Variants in GFPT1 observed in about 807,000 individuals in gnomAD.
GFPT1 encodes glutamine--fructose-6-phosphate transaminase 1.
Under a neutral mutation model 92.0 loss-of-function variants are expected in GFPT1, and 40 were observed. That is an observed-to-expected ratio of 0.43 (90% CI 0.34 to 0.57). The LOEUF (loss-of-function observed/expected upper bound fraction) is 0.57. GFPT1 is among the 20% of genes least tolerant of loss of function. The probability of loss-of-function intolerance (pLI) is 0.02; values close to 1 mark genes in which losing one functional copy is unlikely to be tolerated. For synonymous variants in GFPT1, 269 were observed against 280.6 expected (o/e 0.96, Z 0.41); for missense variants, 448 against 869.1 (o/e 0.52, Z 6.09).
chr2:69,362,394 T>C (rs1329414636), intron 4 of GFPT1, among the ~76,000 whole-genome samples: 3 of 152,228 alleles, frequency 2.0e-5, no homozygotes, highest in Admixed American at 2.0e-4. Flanking sequence ...TCCAAAGTGC[T>C]GGGTAGACTT....
chr2:69,374,667 G>A (rs916629722), intron 1 of GFPT1, among the ~76,000 whole-genome samples: 3 of 152,042 alleles, frequency 2.0e-5, no homozygotes, highest in Non-Finnish European at 4.4e-5. Context: ...TTTGTCAAGT[G>A]AAATTTAATT....
At chr2:69,333,549 A>C (rs1460248211) in intron 15 of GFPT1, among the ~76,000 whole-genome samples, 1 of 152,200 alleles carries the variant, frequency 6.6e-6, no homozygotes, top group Non-Finnish European at 1.5e-5. Context: ...GAAAATGCTG[A>C]CTCTGAAATT....
At chr2:69,354,890 G>A (rs1444020428) in intron 7 of GFPT1, among the ~76,000 whole-genome samples, 3 of 151,984 alleles carry the variant, frequency 2.0e-5, no homozygotes, top group African/African-American at 7.2e-5. Flanking sequence ...TACAGTCTCA[G>A]CTACTCGGAA....
chr2:69,368,211 T>A (rs1671656814), intron 3 of GFPT1, among the ~76,000 whole-genome samples: 1 of 152,192 alleles, frequency 6.6e-6, no homozygotes, highest in Non-Finnish European at 1.5e-5. Flanking sequence ...TGAAACCCCA[T>A]CTCTACTAAA....
At chr2:69,374,355 G>A (rs963896228) in intron 1 of GFPT1, among the ~76,000 whole-genome samples, 1 of 148,696 alleles carries the variant, frequency 6.7e-6, no homozygotes, top group Non-Finnish European at 1.5e-5. Flanking sequence ...ACTCTGTCAC[G>A]CAGGATGGAG....
In GFPT1 at chr2:69,376,906, A is replaced by G. The variant is rs758151449; in HGVS notation, c.8-2793T>C. On this transcript the variant is annotated intron_variant, in intron 1 of 19. Transcript: ENST00000357308. ...GTTTTTAAGACAATTTATAGACTCTACTTTTTTTTAAAGATTAATGCGGCA... is the reference window on the plus strand; with the variant it reads ...GTTTTTAAGACAATTTATAGACTCTGCTTTTTTTTAAAGATTAATGCGGCA... Among the ~76,000 whole-genome samples, 84 of 152,212 alleles carry G rather than the reference A, an allele frequency of 5.5e-4. 1 individual carries two copies. Among genetic ancestry groups the G allele is most frequent in the Non-Finnish European group, 1.5e-4 (10 of 68,040 alleles).
At chr2:69,349,882 T>C (rs1265651748) in intron 10 of GFPT1, among the ~76,000 whole-genome samples, 196 bp downstream of exon 10, 1 of 152,196 alleles carries the variant, frequency 6.6e-6, no homozygotes, top group Non-Finnish European at 1.5e-5. Flanking sequence ...GTGTTCTTAG[T>C]AAACTGACCC....
At chr2:69,345,732 T>C (rs905830515) in intron 12 of GFPT1, among the ~76,000 whole-genome samples, 172 bp downstream of exon 12, 1 of 152,222 alleles carries the variant, frequency 6.6e-6, no homozygotes, top group African/African-American at 2.4e-5. Flanking sequence ...AGATATCTTA[T>C]ATAGGTAGAA....
In GFPT1 at chr2:69,342,264, T is replaced by G. The variant is rs762548713; in HGVS notation, c.1106-15A>C. On this transcript the variant is annotated splice_polypyrimidine_tract_variant and intron_variant, in intron 12 of 19. Coordinates refer to ENST00000357308, the MANE Select transcript of GFPT1 (RefSeq NM_001244710.2). ...ACCCAAATTCACTGAAATAAAAGTT[T>G]GTGTACATAATTATTTAGCAAAGAA... 1.3e-6 allele frequency: 2 copies of G among 1,485,144 alleles called. No individual in the cohort carries two copies. The highest frequency in any genetic ancestry group is 3.3e-5 in the Admixed American group (2 of 59,876). The allele number at this position is 1,485,144 out of a possible 1,614,324, so 92.0% of individuals were successfully genotyped here.
intron 1 of GFPT1, among the ~76,000 whole-genome samples, chr2:69,378,982 T>C (rs1032072408): frequency 1.3e-5 from 2 of 152,172 alleles, no homozygotes; most frequent in African/African-American, 2.4e-5. Flanking sequence ...GAGCAGTGGC[T>C]CACATCTGTA....
At chr2:69,365,808 CT>C (rs936454734) in intron 3 of GFPT1, among the ~76,000 whole-genome samples, 2 of 151,862 alleles carry the variant, frequency 1.3e-5, no homozygotes, top group African/African-American at 4.8e-5. Context: ...TCTTTGACTA[CT>C]TTTTTTATTT....
rs1196903154 is a variant in GFPT1 at position 69,351,195 on chromosome 2, G to C, written c.740-1012C>G. ...AGTCAGGATAAAGTAGGGTCTTTTT[G>C]CAAAGCTAATATCCTTTTAATTCTT... On this transcript the variant is annotated intron_variant, in intron 9 of 19. Coordinates refer to ENST00000357308, the MANE Select transcript of GFPT1 (RefSeq NM_001244710.2). Among the ~76,000 whole-genome samples, 4 of 152,078 alleles carry C rather than the reference G, an allele frequency of 2.6e-5. No individual in the cohort carries two copies. In the East Asian group the frequency reaches 7.7e-4, roughly 29 times the overall value.
intron 1 of GFPT1, among the ~76,000 whole-genome samples, chr2:69,385,337 T>C (rs888041364): frequency 1.3e-5 from 2 of 152,160 alleles, no homozygotes; most frequent in African/African-American, 2.4e-5. Context: ...GCAATTCTCC[T>C]GCCTCAGCCT....
chr2:69,344,506 G>A (rs1455888490), intron 12 of GFPT1, among the ~76,000 whole-genome samples: 2 of 152,136 alleles, frequency 1.3e-5, no homozygotes, highest in Admixed American at 1.3e-4. Context: ...AATACATGGG[G>A]AGTAGTTTGG....
intron 1 of GFPT1, among the ~76,000 whole-genome samples, chr2:69,377,191 G>C (rs866362588): frequency 1.7e-4 from 19 of 113,362 alleles, no homozygotes; most frequent in Middle Eastern, 8.5e-3. Context: ...CTGGGCAACA[G>C]AGCAAGACTC....
rs372548032 is a variant in GFPT1, at chr2:69,329,810, C to CA, written c.1483-13dup. 9 of 1,376,834 alleles carry CA rather than the reference C, an allele frequency of 6.5e-6. 1 individual carries two copies. The African/African-American group carries it at 1.1e-4, about 17-fold the overall frequency. 85.3% of individuals were successfully genotyped at this position (1,376,834 alleles called of 1,614,324 possible). On this transcript the variant is annotated splice_polypyrimidine_tract_variant and intron_variant, in intron 15 of 19. Transcript: ENST00000357308. ...TGGCTGGTATAAGCCTGAAACATCA[C>CA]AAAAAAGCAGGACAATTAGTTGCAG...
rs114001004 is a variant in GFPT1, at chr2:69,374,860, G to A, written c.8-747C>T. Among the ~76,000 whole-genome samples the A allele has an allele frequency of 3.5e-3, 532 of 152,224 alleles. 3 individuals are homozygous for A. Among genetic ancestry groups the A allele is most frequent in the African/African-American group, 0.012 (514 of 41,514 alleles). On this transcript the variant is annotated intron_variant, in intron 1 of 19. Transcript: ENST00000357308. ...AGTGACATTTAGGAATAAATGATATGAAAAATACTCACCCCTTAAATAATT... is the reference window on the plus strand; with the variant it reads ...AGTGACATTTAGGAATAAATGATATAAAAAATACTCACCCCTTAAATAATT...
At chr2:69,335,255 A>G (rs1410700150) in intron 15 of GFPT1, among the ~76,000 whole-genome samples, 1 of 152,030 alleles carries the variant, frequency 6.6e-6, no homozygotes, top group Non-Finnish European at 1.5e-5. Context: ...GATCCTCCCA[A>G]TTCAGCCTCC....
intron 15 of GFPT1, among the ~76,000 whole-genome samples, chr2:69,332,546 GTCC>G (rs1184594925): frequency 6.6e-6 from 1 of 151,630 alleles, no homozygotes; most frequent in Non-Finnish European, 1.5e-5. Context: ...TTGAACTCCT[GTCC>G]TCAAGTGATC....
Sources: allele counts gnomAD v4.1 joint callset (sites outside exome capture counted in the v4.1 genomes callset), GRCh38; gene constraint gnomAD v4.1.1; transcripts MANE v1.5; gene names NCBI Gene and HGNC (gene_info 2026-07-23, HGNC 2026-07-21).